The following SLC35F1 variants were observed in gnomAD, a reference collection of about 807,000 sequenced individuals.
SLC35F1 encodes chromosome 6 open reading frame 169.
SLC35F1 carries 14 observed loss-of-function variants against 48.7 expected under a neutral mutation model. That is an observed-to-expected ratio of 0.29 (90% CI 0.19 to 0.45). The LOEUF (loss-of-function observed/expected upper bound fraction) is 0.45, where lower values mean the gene tolerates loss of function less well. Among genes scored for constraint, SLC35F1 ranks in the 20% least tolerant of loss-of-function variants. The pLI, the probability that SLC35F1 is intolerant of heterozygous loss-of-function variation, is 1.00. For synonymous variants in SLC35F1, 190 were observed against 202.2 expected, an observed-to-expected ratio of 0.94 and a Z score of 0.51; for missense variants, 404 against 500.0, an observed-to-expected ratio of 0.81 and a Z score of 1.83.
intron 1 of SLC35F1, among the ~76,000 whole-genome samples, chr6:118,036,104 G>A (rs1302337929): frequency 6.6e-6 from 1 of 152,022 alleles, no homozygotes; most frequent in African/African-American, 2.4e-5. Flanking sequence ...TTGTTTTTAT[G>A]TGTATAGCTT....
intron 2 of SLC35F1, among the ~76,000 whole-genome samples, chr6:118,185,540 C>T (rs756918226): frequency 2.6e-5 from 4 of 152,066 alleles, no homozygotes; most frequent in Non-Finnish European, 5.9e-5. Context: ...TCTCCTTATC[C>T]GTATAGTAAC....
At chr6:118,154,414 T>C (rs1235331155) in intron 1 of SLC35F1, 31 bp from the exon 2 acceptor site, 18 of 1,585,360 alleles carry the variant, frequency 1.1e-5, no homozygotes, top group Non-Finnish European at 1.4e-5. Flanking sequence ...CCTGCTGACC[T>C]TTGCTGTGTT....
chr6:118,021,581 C>A (rs113369709), intron 1 of SLC35F1, among the ~76,000 whole-genome samples: 67 of 152,266 alleles, frequency 4.4e-4, no homozygotes, highest in African/African-American at 1.5e-3. Context: ...TGTAATTATT[C>A]TGTACTTGCT....
intron 1 of SLC35F1, among the ~76,000 whole-genome samples, chr6:118,000,289 T>C (rs996704586): frequency 3.3e-5 from 5 of 151,930 alleles, no homozygotes; most frequent in African/African-American, 9.7e-5. Context: ...GCAAGGCTGG[T>C]TCAATATATG....
intron 1 of SLC35F1, among the ~76,000 whole-genome samples, chr6:118,013,382 A>G (rs1208738791): frequency 3.3e-5 from 5 of 152,196 alleles, no homozygotes; most frequent in African/African-American, 1.2e-4. Flanking sequence ...GTGAGATGTC[A>G]TAATTTCTAT....
chr6:118,026,782 T>C (rs1268451892), intron 1 of SLC35F1, among the ~76,000 whole-genome samples: 1 of 152,222 alleles, frequency 6.6e-6, no homozygotes, highest in African/African-American at 2.4e-5. Context: ...TTCTGGTTTT[T>C]AAAAAGAAGC....
At chr6:118,222,167 T>A (rs906719536) in intron 2 of SLC35F1, among the ~76,000 whole-genome samples, 1 of 152,140 alleles carries the variant, frequency 6.6e-6, no homozygotes, top group Non-Finnish European at 1.5e-5. Context: ...AGGTTTTGAG[T>A]CAGAAAGTCT....
chr6:118,011,265 G>A (rs1478655505), intron 1 of SLC35F1, among the ~76,000 whole-genome samples: 1 of 152,160 alleles, frequency 6.6e-6, no homozygotes, highest in African/African-American at 2.4e-5. Flanking sequence ...AAGAAAATAG[G>A]TTTAATTGGC....
At chr6:118,015,944 A>G (rs1777315069) in intron 1 of SLC35F1, among the ~76,000 whole-genome samples, 1 of 152,202 alleles carries the variant, frequency 6.6e-6, no homozygotes, top group Non-Finnish European at 1.5e-5. Flanking sequence ...TAAGAAATCC[A>G]GTTATTTGCT....
intron 1 of SLC35F1, among the ~76,000 whole-genome samples, chr6:118,131,657 T>C (rs1394649947): frequency 6.6e-6 from 1 of 152,114 alleles, no homozygotes; most frequent in Non-Finnish European, 1.5e-5. Flanking sequence ...TATTTAAACA[T>C]AGGTGCTCTC....
intron 2 of SLC35F1, among the ~76,000 whole-genome samples, chr6:118,167,169 C>T (rs1008919538): frequency 6.6e-6 from 1 of 152,032 alleles, no homozygotes; most frequent in African/African-American, 2.4e-5. Flanking sequence ...CTTCTCCTAC[C>T]CCCTCCAAGT....
At chr6:118,190,355 C>T (rs776626107) in intron 2 of SLC35F1, among the ~76,000 whole-genome samples, 14 of 151,984 alleles carry the variant, frequency 9.2e-5, no homozygotes, top group Non-Finnish European at 1.5e-4. Flanking sequence ...ACACTTAGCA[C>T]GAGCAACTCC....
intron 1 of SLC35F1, among the ~76,000 whole-genome samples, chr6:117,988,206 A>G (rs1313352991): frequency 6.6e-6 from 1 of 152,186 alleles, no homozygotes; most frequent in Non-Finnish European, 1.5e-5. Context: ...TATTAAGTGA[A>G]TGAACTTGGT....
At chr6:118,084,914 T>G (rs1772964367) in intron 1 of SLC35F1, among the ~76,000 whole-genome samples, 1 of 152,100 alleles carries the variant, frequency 6.6e-6, no homozygotes, top group African/African-American at 2.4e-5. Context: ...GTGGGTAGCC[T>G]TGACAGACTT....
chr6:117,994,796 A>C (rs1193217805), intron 1 of SLC35F1, among the ~76,000 whole-genome samples: 1 of 152,234 alleles, frequency 6.6e-6, no homozygotes, highest in Non-Finnish European at 1.5e-5. Context: ...GGGATCCCCA[A>C]AAAGCTATGA....
chr6:118,272,290 T>C (rs1384538725), intron 4 of SLC35F1, among the ~76,000 whole-genome samples: 1 of 152,138 alleles, frequency 6.6e-6, no homozygotes. Context: ...GTGGGTGCCA[T>C]AGACAGATAC....
intron 7 of SLC35F1, among the ~76,000 whole-genome samples, chr6:118,287,253 A>G (rs745660770): frequency 2.6e-5 from 4 of 152,118 alleles, no homozygotes; most frequent in Non-Finnish European, 4.4e-5. Flanking sequence ...ACACCTGGCT[A>G]TGGGTTCATC....
At chr6:118,295,739 C>A (rs1776175621) in intron 7 of SLC35F1, among the ~76,000 whole-genome samples, 1 of 152,156 alleles carries the variant, frequency 6.6e-6, no homozygotes, top group Non-Finnish European at 1.5e-5. Flanking sequence ...GGATGTTAAG[C>A]TTATAGTGCC....
intron 2 of SLC35F1, among the ~76,000 whole-genome samples, chr6:118,189,990 C>A (rs529698943): frequency 9.8e-5 from 15 of 152,290 alleles, no homozygotes; most frequent in African/African-American, 3.4e-4. Flanking sequence ...GTTAAGTTTT[C>A]AATCTTGTCT....
Sources: gnomAD v4.1 joint callset for allele counts (sites outside exome capture counted in the v4.1 genomes callset) on GRCh38, gnomAD v4.1.1 for gene constraint, MANE v1.5 for transcripts, NCBI Gene and HGNC (gene_info 2026-07-23, HGNC 2026-07-21) for gene names.